IK: variants seen among roughly 807,000 people sequenced by gnomAD.
IK encodes IK cytokine.
A neutral mutation model predicts 90.9 loss-of-function variants in IK; 47 were observed. That is an observed-to-expected ratio of 0.52 (90% CI 0.41 to 0.66). The LOEUF (loss-of-function observed/expected upper bound fraction) is 0.66. Ranked by LOEUF, IK falls within the 30% of genes least tolerant of loss-of-function variation. The pLI is 0.00. For synonymous variants in IK, 201 were observed against 227.5 expected (o/e 0.88, Z 1.05); for missense variants, 385 against 709.3 (o/e 0.54, Z 5.19).
intron 16 of IK, 82 bp downstream of exon 16, chr5:140,660,897 T>TCGG: frequency 9.1e-7 from 1 of 1,093,110 alleles, no homozygotes; most frequent in Non-Finnish European, 1.4e-6. Context: ...TCCTAAAAAA[T>TCGG]CTATCTCATT....
intron 3 of IK, 67 bp downstream of exon 3, chr5:140,651,873 A>T: frequency 1.2e-5 from 13 of 1,048,566 alleles, no homozygotes; most frequent in Non-Finnish European, 1.8e-5. Flanking sequence ...TCTTTCTACT[A>T]AGTAGAATGA....
chr5:140,649,359 C>T (rs1000671031), intron 2 of IK, among the ~76,000 whole-genome samples: 2 of 150,412 alleles, frequency 1.3e-5, no homozygotes, highest in African/African-American at 4.9e-5. Flanking sequence ...CAGGCATGTG[C>T]CACCATGCAC....
intron 5 of IK, 144 bp downstream of exon 5, chr5:140,653,288 T>A: frequency 1.6e-5 from 4 of 255,682 alleles, no homozygotes; most frequent in Middle Eastern, 1.4e-3. Flanking sequence ...GGGCTGTTCT[T>A]TTTTTTTTTT....
rs1374766793 is a variant in IK, at chr5:140,653,021, A to C, written c.281A>C (p.Glu94Ala). ...LRQQEIERER[E>A]LAEKYRDRAK... ...CAACAAGAAATTGAGAGAGAGAGAG[A>C]GCTAGCAGAGAAGTACCGGGATCGT... The change falls in exon 5 of 20, where the codon GAG (glutamate) becomes GCG (alanine). Residue 94 changes from glutamate (E) to alanine (A), a missense_variant. Glu to Ala is a moderately radical substitution (Grantham distance 107). This residue lies in a region of IK where 64 missense variants were observed against 144.6 expected (regional missense o/e 0.44). Coordinates refer to ENST00000417647, the MANE Select transcript of IK (RefSeq NM_006083.4). 2.5e-6 allele frequency: 4 copies of C among 1,613,748 alleles called. No individual in the cohort carries two copies. The highest frequency in any genetic ancestry group is 1.3e-5 in the African/African-American group (1 of 75,006).
intron 18 of IK, 28 bp from the exon 19 acceptor site, chr5:140,662,151 G>A: frequency 1.2e-6 from 2 of 1,613,678 alleles, no homozygotes; most frequent in Non-Finnish European, 1.7e-6. Flanking sequence ...GGGCAGCTTG[G>A]TGATAGACTA....
At chr5:140,648,560 A>G in intron 2 of IK, 23 bp downstream of exon 2, 1 of 1,607,700 alleles carries the variant, frequency 6.2e-7, no homozygotes, top group Non-Finnish European at 8.5e-7. Flanking sequence ...TGCTAGGACC[A>G]TGGAAATGAG....
intron 15 of IK, 119 bp downstream of exon 15, chr5:140,660,314 T>TG (rs1757783463): frequency 1.8e-6 from 1 of 547,630 alleles, no homozygotes; most frequent in African/African-American, 2.1e-5. Flanking sequence ...TTTTTTTTTT[T>TG]GGAGACAGAG....
intron 9 of IK, 107 bp downstream of exon 9, chr5:140,656,099 C>A: frequency 1.0e-5 from 10 of 970,250 alleles, no homozygotes; most frequent in Non-Finnish European, 1.5e-5. Flanking sequence ...GTGCTGTTCA[C>A]TTTTACCTCC....
chr5:140,655,911 G>T lies in IK; in HGVS notation c.720G>T (p.Val240=). The T allele has an allele frequency of 1.9e-6, 3 of 1,589,902 alleles. No individual in the cohort carries two copies. Among genetic ancestry groups the T allele is most frequent in the Non-Finnish European group, 2.6e-6 (3 of 1,166,926 alleles). ...TCCTGCCGGGCCGCATGGCCTATGTGGTAGACCTGGATGATGAGTATGCTG... is the reference window on the plus strand; with the variant it reads ...TCCTGCCGGGCCGCATGGCCTATGTTGTAGACCTGGATGATGAGTATGCTG... The part of the protein sequence containing the change: ...ELFLPGRMAY[V]VDLDDEYADT... Residue 240 remains valine (V), a synonymous_variant, in exon 9 of 20, where the codon GTG becomes GTT. Transcript: ENST00000417647.
intron 2 of IK, among the ~76,000 whole-genome samples, chr5:140,650,853 A>G (rs1581480437): frequency 6.6e-6 from 1 of 152,320 alleles, no homozygotes; most frequent in African/African-American, 2.4e-5. Context: ...TGCGGCGATT[A>G]TAGGTGTGAG....
Position 140,660,872 on chromosome 5 carries a change from T to G in IK, c.1413+57T>G, listed in dbSNP as rs1459241592. The G allele has an allele frequency of 2.3e-6, 3 of 1,325,742 alleles. No homozygotes were observed. In the African/African-American group the frequency reaches 4.3e-5, roughly 19 times the overall value. 82.1% of individuals were successfully genotyped at this position (1,325,742 alleles called of 1,614,324 possible). On this transcript the variant is annotated intron_variant, in intron 16 of 19. Coordinates refer to ENST00000417647, the MANE Select transcript of IK (RefSeq NM_006083.4). Reference sequence around the variant, plus strand: ...GGGCAGTTATTATTTGTTTTACATGTATCTCCTTCCCCACTCCTAAAAAAT... The same window carrying G: ...GGGCAGTTATTATTTGTTTTACATGGATCTCCTTCCCCACTCCTAAAAAAT...
chr5:140,648,571 T>G, intron 2 of IK, 34 bp downstream of exon 2: 1 of 1,584,834 alleles, frequency 6.3e-7, no homozygotes, highest in Non-Finnish European at 8.7e-7. Context: ...TGGAAATGAG[T>G]TGGGCAATGA....
At chr5:140,651,981 A>C in intron 3 of IK, 107 bp from the exon 4 acceptor site, 1 of 924,602 alleles carries the variant, frequency 1.1e-6, no homozygotes, top group Non-Finnish European at 1.8e-6. Flanking sequence ...TGAAAGTGTT[A>C]CTTTGATCAG....
chr5:140,651,868 C>G (rs1193158627), intron 3 of IK, 62 bp downstream of exon 3: 1 of 1,107,490 alleles, frequency 9.0e-7, no homozygotes, highest in Admixed American at 1.8e-5. Flanking sequence ...CTATTTCTTT[C>G]TACTAAGTAG....
At chr5:140,654,973 C>A (rs1263509487) in intron 8 of IK, among the ~76,000 whole-genome samples, 1 of 126,890 alleles carries the variant, frequency 7.9e-6, no homozygotes, top group Non-Finnish European at 1.8e-5. Context: ...CCATACCTAG[C>A]TAATTTTTTT....
intron 15 of IK, 27 bp from the exon 16 acceptor site, chr5:140,660,731 A>C (rs1432275404): frequency 6.3e-7 from 1 of 1,597,180 alleles, no homozygotes; most frequent in African/African-American, 1.3e-5. Context: ...GGTATGCAAC[A>C]TCTGTTTAAC....
intron 15 of IK, 139 bp from the exon 16 acceptor site, chr5:140,660,619 T>C (rs1757788603): frequency 1.6e-6 from 1 of 634,220 alleles, no homozygotes; most frequent in South Asian, 2.2e-5. Flanking sequence ...CTTACTTGGA[T>C]GAACTATTTT....
chr5:140,655,301 C>T (rs535467377), intron 8 of IK, among the ~76,000 whole-genome samples: 75 of 152,256 alleles, frequency 4.9e-4, no homozygotes, highest in African/African-American at 1.7e-3. Context: ...GATGATGAAA[C>T]AGCACTAAGT....
chr5:140,651,920 A>G (rs1757622503), intron 3 of IK, 114 bp downstream of exon 3: 1 of 829,006 alleles, frequency 1.2e-6, no homozygotes, highest in Non-Finnish European at 2.0e-6. Flanking sequence ...GATACTCTCT[A>G]AAGTTTGAGA....
Sources: gnomAD v4.1 joint callset for allele counts (sites outside exome capture counted in the v4.1 genomes callset) on GRCh38, gnomAD v4.1.1 for gene constraint, gnomAD v4.1.1 regional missense constraint, MANE v1.5 for transcripts, NCBI Gene and HGNC (gene_info 2026-07-23, HGNC 2026-07-21) for gene names.